Variants in GRIA4 observed in about 807,000 individuals in gnomAD.
The protein encoded by GRIA4 is glutamate receptor 4.
GRIA4 carries 34 observed loss-of-function variants against 104.0 expected under a neutral mutation model. That is an observed-to-expected ratio of 0.33 (90% CI 0.25 to 0.44). GRIA4 has a LOEUF of 0.44. Ranked by LOEUF, GRIA4 falls within the 20% of genes least tolerant of loss-of-function variation. GRIA4 has a pLI of 1.00. For synonymous variants in GRIA4, 386 were observed against 381.9 expected, an observed-to-expected ratio of 1.01 and a Z score of -0.13; for missense variants, 750 against 1,096.5, an observed-to-expected ratio of 0.68 and a Z score of 4.46.
At chr11:105,836,345 T>A (rs530395332) in intron 4 of GRIA4, among the ~76,000 whole-genome samples, 3 of 152,242 alleles carry the variant, frequency 2.0e-5, no homozygotes, top group South Asian at 4.1e-4. Context: ...GTGAAGGCTA[T>A]CCATAGAGAA....
At chr11:105,919,556 T>C (rs1330358199) in intron 11 of GRIA4, among the ~76,000 whole-genome samples, 1 of 152,160 alleles carries the variant, frequency 6.6e-6, no homozygotes, top group Non-Finnish European at 1.5e-5. Flanking sequence ...GAAAGCATGT[T>C]ATGCGCCTCC....
intron 9 of GRIA4, 107 bp from the exon 10 acceptor site, chr11:105,910,326 TGC>T: frequency 3.2e-6 from 2 of 631,064 alleles, no homozygotes; most frequent in Non-Finnish European, 2.9e-6. Context: ...TTGTTTTGTT[TGC>T]TTACATTTGT....
chr11:105,821,917 C>T (rs984419368), intron 4 of GRIA4, among the ~76,000 whole-genome samples: 2 of 152,110 alleles, frequency 1.3e-5, no homozygotes, highest in Non-Finnish European at 2.9e-5. Flanking sequence ...CTTCGAGGTA[C>T]CCATAAAATG....
At chr11:105,753,437 T>G (rs1940122437) in intron 4 of GRIA4, among the ~76,000 whole-genome samples, 2 of 152,282 alleles carry the variant, frequency 1.3e-5, no homozygotes, top group South Asian at 4.1e-4. Context: ...GCTCTGTAAC[T>G]TCATTGAAAT....
chr11:105,793,457 G>A (rs1428679342), intron 4 of GRIA4, among the ~76,000 whole-genome samples: 2 of 152,030 alleles, frequency 1.3e-5, no homozygotes, highest in Non-Finnish European at 2.9e-5. Flanking sequence ...CCCACAGCAG[G>A]GACTATTAAA....
At chr11:105,815,082 C>A (rs1249626021) in intron 4 of GRIA4, among the ~76,000 whole-genome samples, 2 of 152,140 alleles carry the variant, frequency 1.3e-5, no homozygotes, top group Non-Finnish European at 2.9e-5. Flanking sequence ...TCTAGGGCTA[C>A]CACTAGCCCT....
At chr11:105,846,120 G>GA (rs1944584501) in intron 4 of GRIA4, among the ~76,000 whole-genome samples, 1 of 152,016 alleles carries the variant, frequency 6.6e-6, no homozygotes, top group Admixed American at 6.6e-5. Flanking sequence ...TTAATAATAA[G>GA]AAAAATTTCC....
intron 3 of GRIA4, among the ~76,000 whole-genome samples, chr11:105,679,945 C>G (rs1474533532): frequency 6.6e-6 from 1 of 152,058 alleles, no homozygotes; most frequent in Non-Finnish European, 1.5e-5. Flanking sequence ...ACTTTAAACA[C>G]AGGTTATGGT....
At chr11:105,731,678 A>C (rs1429399082) in intron 3 of GRIA4, among the ~76,000 whole-genome samples, 1 of 152,212 alleles carries the variant, frequency 6.6e-6, no homozygotes, top group East Asian at 1.9e-4. Context: ...CATATACACC[A>C]TGGAATACTA....
chr11:105,713,977 C>T (rs537679502), intron 3 of GRIA4, among the ~76,000 whole-genome samples: 1 of 152,078 alleles, frequency 6.6e-6, no homozygotes, highest in Non-Finnish European at 1.5e-5. Flanking sequence ...TTGTTTGTTA[C>T]CACAATAATC....
chr11:105,847,009 G>A (rs1348391777), intron 4 of GRIA4, among the ~76,000 whole-genome samples: 1 of 152,094 alleles, frequency 6.6e-6, no homozygotes, highest in Non-Finnish European at 1.5e-5. Flanking sequence ...CCGGTTTCCT[G>A]GAAGACAATT....
At chr11:105,663,205 A>G (rs1372198659) in intron 3 of GRIA4, among the ~76,000 whole-genome samples, 1 of 151,964 alleles carries the variant, frequency 6.6e-6, no homozygotes, top group Non-Finnish European at 1.5e-5. Context: ...TACTCAAGCC[A>G]TTTTTAATTT....
intron 4 of GRIA4, among the ~76,000 whole-genome samples, chr11:105,792,350 T>C (rs1942251405): frequency 1.3e-5 from 2 of 152,186 alleles, no homozygotes. Context: ...TGAAATTTAC[T>C]TTGCCTAAAA....
At chr11:105,868,288 C>G (rs1180778287) in intron 5 of GRIA4, among the ~76,000 whole-genome samples, 1 of 152,032 alleles carries the variant, frequency 6.6e-6, no homozygotes, top group African/African-American at 2.4e-5. Context: ...AAAAGGTAAT[C>G]AAGATTGGTT....
intron 3 of GRIA4, among the ~76,000 whole-genome samples, chr11:105,674,415 A>G (rs1207850807): frequency 1.3e-5 from 2 of 151,760 alleles, no homozygotes; most frequent in Non-Finnish European, 2.9e-5. Flanking sequence ...GATGATCTAG[A>G]AACATATCCG....
At chr11:105,681,571 A>G (rs1952711514) in intron 3 of GRIA4, among the ~76,000 whole-genome samples, 1 of 152,190 alleles carries the variant, frequency 6.6e-6, no homozygotes, top group African/African-American at 2.4e-5. Context: ...TGGTAGCTAC[A>G]TGTGATTATT....
chr11:105,735,419 T>A (rs556146662), intron 3 of GRIA4, among the ~76,000 whole-genome samples: 1 of 152,246 alleles, frequency 6.6e-6, no homozygotes, highest in South Asian at 2.1e-4. Context: ...TTAGCAAATA[T>A]CCACAGAAGT....
At chr11:105,631,969 G>A (rs971053029) in intron 3 of GRIA4, among the ~76,000 whole-genome samples, 1 of 152,204 alleles carries the variant, frequency 6.6e-6, no homozygotes, top group Non-Finnish European at 1.5e-5. Context: ...TACAAAAAGG[G>A]ATGAGGTGGC....
intron 6 of GRIA4, among the ~76,000 whole-genome samples, chr11:105,889,547 A>G (rs1447946470): frequency 6.6e-6 from 1 of 152,198 alleles, no homozygotes; most frequent in African/African-American, 2.4e-5. Flanking sequence ...TGTGCATAAG[A>G]TTCTCAAATG....
Sources: gnomAD v4.1 joint callset for allele counts (sites outside exome capture counted in the v4.1 genomes callset) on GRCh38, gnomAD v4.1.1 for gene constraint, MANE v1.5 for transcripts, NCBI Gene and HGNC (gene_info 2026-07-23, HGNC 2026-07-21) for gene names.